Variants in FILIP1L observed in about 807,000 individuals in gnomAD.
The protein encoded by FILIP1L is filamin A-interacting protein 1-like.
FILIP1L carries 55 observed loss-of-function variants against 96.6 expected under a neutral mutation model. The observed-to-expected ratio is 0.57, with a 90% CI of 0.46 to 0.71. The LOEUF (loss-of-function observed/expected upper bound fraction) is 0.71, where lower values mean the gene tolerates loss of function less well. FILIP1L is among the 30% of genes least tolerant of loss of function. The pLI is 0.00. For synonymous variants in FILIP1L, 467 were observed against 473.9 expected, an observed-to-expected ratio of 0.99 and a Z score of 0.19; for missense variants, 1,304 against 1,321.2, an observed-to-expected ratio of 0.99 and a Z score of 0.20.
intron 3 of FILIP1L, 95 bp from the exon 4 acceptor site, chr3:99,924,503 A>C: frequency 7.7e-7 from 1 of 1,305,904 alleles, no homozygotes; most frequent in Non-Finnish European, 1.1e-6. Flanking sequence ...TTAATTCGGC[A>C]GTGGGTTTTT....
At chr3:99,943,420 C>T (rs1175439203) in intron 1 of FILIP1L, among the ~76,000 whole-genome samples, 1 of 152,086 alleles carries the variant, frequency 6.6e-6, no homozygotes, top group East Asian at 1.9e-4. Flanking sequence ...AATGTTAAAT[C>T]TTGCCGGGTA....
intron 1 of FILIP1L, among the ~76,000 whole-genome samples, chr3:99,992,134 G>A (rs1051815681): frequency 6.6e-6 from 1 of 151,704 alleles, no homozygotes; most frequent in African/African-American, 2.4e-5. Context: ...AAAAATACAA[G>A]TGCAGCTATC....
chr3:99,956,262 C>T (rs1348189530), intron 1 of FILIP1L, among the ~76,000 whole-genome samples: 2 of 152,158 alleles, frequency 1.3e-5, no homozygotes, highest in Non-Finnish European at 2.9e-5. Context: ...CTTCCTCTGC[C>T]CCCAACACCT....
intron 5 of FILIP1L, among the ~76,000 whole-genome samples, chr3:99,835,705 G>T (rs1170388627): frequency 6.6e-6 from 1 of 152,204 alleles, no homozygotes; most frequent in Non-Finnish European, 1.5e-5. Context: ...AAAAATAAAT[G>T]ATAGCTGATT....
At chr3:99,902,124 A>G (rs1706456258) in intron 4 of FILIP1L, among the ~76,000 whole-genome samples, 2 of 152,214 alleles carry the variant, frequency 1.3e-5, no homozygotes. Flanking sequence ...TAAGTAATAG[A>G]AATATTCATG....
chr3:99,996,011 T>C (rs9852435), intron 1 of FILIP1L, among the ~76,000 whole-genome samples: 28,277 of 152,202 alleles, frequency 0.19, 2,963 homozygotes, highest in South Asian at 0.25. Context: ...TTGTTACTTA[T>C]GTAAATTTCT....
At chr3:99,894,341 G>A (rs1475317647) in intron 4 of FILIP1L, among the ~76,000 whole-genome samples, 1 of 152,132 alleles carries the variant, frequency 6.6e-6, no homozygotes, top group Non-Finnish European at 1.5e-5. Flanking sequence ...ATCTGTTGTG[G>A]GTGCCTAACA....
intron 1 of FILIP1L, among the ~76,000 whole-genome samples, chr3:100,084,021 T>C (rs1210544645): frequency 1.3e-5 from 2 of 152,212 alleles, no homozygotes; most frequent in Non-Finnish European, 2.9e-5. Context: ...TTGTGTTATT[T>C]CTTCCTTTCA....
rs536515366 is a variant in FILIP1L at position 99,858,206 on chromosome 3, C to T, written c.606-7136G>A. Among the ~76,000 whole-genome samples the T allele has an allele frequency of 7.9e-5, 12 of 152,278 alleles. No individual in the cohort carries two copies. The South Asian group carries it at 2.3e-3, about 29-fold the overall frequency. ...TAGTGCCAGATGCAGTGGCTCACACCTATAATCCCAGCACTTTGGGAGGCT... is the reference window on the plus strand; with the variant it reads ...TAGTGCCAGATGCAGTGGCTCACACTTATAATCCCAGCACTTTGGGAGGCT... On this transcript the variant is annotated intron_variant, in intron 4 of 5. Coordinates refer to ENST00000477258, the MANE Select transcript of FILIP1L (RefSeq NM_001387850.1).
At chr3:100,020,135 G>T (rs1356035173) in intron 1 of FILIP1L, among the ~76,000 whole-genome samples, 1 of 152,188 alleles carries the variant, frequency 6.6e-6, no homozygotes, top group Non-Finnish European at 1.5e-5. Context: ...CTAAAATTAA[G>T]TGGCATTTAA....
At chr3:100,073,778 A>T (rs1387567310) in intron 1 of FILIP1L, among the ~76,000 whole-genome samples, 1 of 152,154 alleles carries the variant, frequency 6.6e-6, no homozygotes, top group African/African-American at 2.4e-5. Context: ...CTCCTGTTTG[A>T]TTCCTCTGTG....
At chr3:99,880,197 A>G (rs1194703239) in intron 4 of FILIP1L, among the ~76,000 whole-genome samples, 3 of 152,104 alleles carry the variant, frequency 2.0e-5, no homozygotes, top group African/African-American at 7.2e-5. Context: ...TGCCCTAGAC[A>G]ATCATTTTTC....
At position 99,970,932 on chromosome 3, in the gene FILIP1L, AT is replaced by A. The variant is rs1334780496; in HGVS notation, c.-10-39903del. 2.0e-5 allele frequency among the ~76,000 whole-genome samples: 3 copies of A among 152,252 alleles called. No homozygotes were observed. In the East Asian group the frequency reaches 5.8e-4, roughly 29 times the overall value. On this transcript the variant is annotated intron_variant, in intron 1 of 5. Coordinates refer to ENST00000477258, the MANE Select transcript of FILIP1L (RefSeq NM_001387850.1). Reference sequence around the variant, plus strand: ...GATGGGTTAGGAAGCTGTTGCAGTCATTCATGTGAAGGAATAGGGCTTGGCA... The same window carrying A: ...GATGGGTTAGGAAGCTGTTGCAGTCATCATGTGAAGGAATAGGGCTTGGCA...
chr3:100,055,419 A>G (rs2065448189), intron 1 of FILIP1L, among the ~76,000 whole-genome samples: 1 of 152,192 alleles, frequency 6.6e-6, no homozygotes, highest in Non-Finnish European at 1.5e-5. Flanking sequence ...AATTCCTAGG[A>G]CATGTTATCA....
chr3:99,907,897 A>G (rs552546181), intron 4 of FILIP1L, among the ~76,000 whole-genome samples: 49 of 152,372 alleles, frequency 3.2e-4, no homozygotes, highest in African/African-American at 1.2e-3. Context: ...GGCAAGGGCC[A>G]TATGTGTGAT....
At chr3:100,085,208 A>G (rs763512777) in intron 1 of FILIP1L, among the ~76,000 whole-genome samples, 1 of 152,236 alleles carries the variant, frequency 6.6e-6, no homozygotes, top group Non-Finnish European at 1.5e-5. Flanking sequence ...TATACCGTAC[A>G]ACCAACCTGA....
At chr3:100,036,992 A>G (rs748786861) in intron 1 of FILIP1L, among the ~76,000 whole-genome samples, 2 of 152,222 alleles carry the variant, frequency 1.3e-5, no homozygotes, top group Non-Finnish European at 2.9e-5. Context: ...CCTGAAACAC[A>G]TAAATAAAGC....
At chr3:100,102,464 C>T (rs971758552) in intron 1 of FILIP1L, among the ~76,000 whole-genome samples, 8 of 152,122 alleles carry the variant, frequency 5.3e-5, no homozygotes, top group African/African-American at 1.2e-4. Flanking sequence ...TCCTCATCAG[C>T]GTGATTTCTG....
chr3:100,012,718 A>G (rs1233269695), intron 1 of FILIP1L, among the ~76,000 whole-genome samples: 1 of 150,362 alleles, frequency 6.7e-6, no homozygotes, highest in Non-Finnish European at 1.5e-5. Context: ...TTCCAGATTA[A>G]ATCACTAGTG....
Sources: gnomAD v4.1 joint callset for allele counts (sites outside exome capture counted in the v4.1 genomes callset) on GRCh38, gnomAD v4.1.1 for gene constraint, MANE v1.5 for transcripts, NCBI Gene and HGNC (gene_info 2026-07-23, HGNC 2026-07-21) for gene names.